GRSF1: variants seen among roughly 807,000 people sequenced by gnomAD.
GRSF1 encodes the protein G-rich RNA sequence binding factor 1, also known as G-rich sequence factor 1.
GRSF1 carries 50 observed loss-of-function variants against 51.1 expected under a neutral mutation model. The observed-to-expected ratio is 0.98, with a 90% confidence interval of 0.78 to 1.24. GRSF1 has a LOEUF of 1.24. Ranked by LOEUF, GRSF1 falls within the 50% of genes most tolerant of loss-of-function variation. The pLI, the probability that GRSF1 is intolerant of heterozygous loss-of-function variation, is 0.00. For synonymous variants in GRSF1, 293 were observed against 253.3 expected (o/e 1.16, Z -1.49); for missense variants, 700 against 639.7 (o/e 1.09, Z -1.02).
intron 8 of GRSF1, among the ~76,000 whole-genome samples, 196 bp downstream of exon 8, chr4:70,825,100 A>G (rs748706132): frequency 4.6e-5 from 7 of 152,188 alleles, no homozygotes; most frequent in Non-Finnish European, 2.9e-5. Context: ...AAAAGAAAGA[A>G]AGAGATTTGC....
chr4:70,830,435 ACCC>A (rs1733913435), intron 5 of GRSF1, among the ~76,000 whole-genome samples: 2 of 149,022 alleles, frequency 1.3e-5, no homozygotes, highest in South Asian at 4.3e-4. Context: ...ACAGAATAAG[ACCC>A]TGTGTCTTAA....
chr4:70,831,429 ACTCT>A (rs917307775), intron 5 of GRSF1, 106 bp downstream of exon 5: 3 of 938,344 alleles, frequency 3.2e-6, no homozygotes, highest in East Asian at 2.6e-5. Context: ...TCACTACACT[ACTCT>A]CTCTACTTTT....
In GRSF1 at chr4:70,818,373, G is replaced by A. The variant is rs1238855231; in HGVS notation, c.*2514C>T. 6.6e-6 allele frequency: 1 copy of A among 152,168 alleles called. No individual in the cohort carries two copies. Among genetic ancestry groups the A allele is most frequent in the Non-Finnish European group, 1.5e-5 (1 of 68,032 alleles). The allele number at this position is 152,168 out of a possible 1,614,324, so 9.4% of individuals were successfully genotyped here. On this transcript the variant is annotated 3_prime_UTR_variant, in exon 10 of 10. Transcript: ENST00000254799. ...TGAGTAAGGGCTGTTCAGGGCAGAG[G>A]ACATTAACAAGGCATGTTGATTAAT...
chr4:70,832,617 C>T (rs544955231), intron 3 of GRSF1, among the ~76,000 whole-genome samples, 167 bp from the exon 4 acceptor site: 8 of 152,146 alleles, frequency 5.3e-5, no homozygotes, highest in Non-Finnish European at 1.2e-4. Flanking sequence ...GCATATTTAC[C>T]ATGCGGGCAT....
intron 1 of GRSF1, among the ~76,000 whole-genome samples, chr4:70,838,336 A>C (rs907343819): frequency 2.0e-5 from 3 of 152,034 alleles, no homozygotes; most frequent in Non-Finnish European, 4.4e-5. Flanking sequence ...AGAAAAAAAA[A>C]GAGAGAAGCT....
chr4:70,836,708 G>C (rs766603225), intron 1 of GRSF1, among the ~76,000 whole-genome samples: 1 of 152,056 alleles, frequency 6.6e-6, no homozygotes, highest in African/African-American at 2.4e-5. Context: ...TACAAGATGA[G>C]ATACTGAGTG....
chr4:70,839,318 G>C (rs1408012675), intron 1 of GRSF1, 153 bp downstream of exon 1: 3 of 1,502,850 alleles, frequency 2.0e-6, no homozygotes, highest in East Asian at 2.6e-5. Flanking sequence ...GGGCCCAATA[G>C]GAGCACAGGG....
At position 70,818,133 on chromosome 4, in the gene GRSF1, G is replaced by C. The variant is rs771838002; in HGVS notation, c.*2754C>G. The C allele has an allele frequency of 1.3e-5, 2 of 152,254 alleles. No homozygotes were observed. The highest frequency in any genetic ancestry group is 3.8e-4 in the East Asian group (2 of 5,200). 9.4% of individuals were successfully genotyped at this position (152,254 alleles called of 1,614,324 possible). On this transcript the variant is annotated 3_prime_UTR_variant, in exon 10 of 10. Coordinates refer to ENST00000254799, the MANE Select transcript of GRSF1 (RefSeq NM_002092.4). ...GGCTCGCTACAACCTCTGCCTCCCA[G>C]GTTCAAGCGATTCTCCTGCCTTGGC...
Position 70,816,564 on chromosome 4 carries a change from A to G in GRSF1, c.*4323T>C, listed in dbSNP as rs1302985980. 6.6e-6 allele frequency: 1 copy of G among 151,538 alleles called. No homozygotes were observed. The highest frequency in any genetic ancestry group is 1.5e-5 in the Non-Finnish European group (1 of 67,936). 9.4% of individuals were successfully genotyped at this position (151,538 alleles called of 1,614,324 possible). On this transcript the variant is annotated 3_prime_UTR_variant, in exon 10 of 10. Coordinates refer to ENST00000254799, the MANE Select transcript of GRSF1 (RefSeq NM_002092.4). ...CATGATGAAACCCCATCTCTACTAA[A>G]AATACAAAAATTAGTCAGGCGTGGT... is the stretch of plus-strand genomic sequence containing the variant.
intron 2 of GRSF1, among the ~76,000 whole-genome samples, chr4:70,834,844 C>T (rs904333489): frequency 2.0e-5 from 3 of 151,942 alleles, no homozygotes; most frequent in Non-Finnish European, 4.4e-5. Context: ...AGGATGGTCT[C>T]GATCTCCTGA....
intron 2 of GRSF1, among the ~76,000 whole-genome samples, chr4:70,835,115 C>T (rs1312180057): frequency 1.3e-5 from 2 of 152,006 alleles, no homozygotes; most frequent in African/African-American, 4.8e-5. Context: ...TGCTGCAAAG[C>T]ACATAATCTC....
Position 70,831,592 on chromosome 4 carries a change from T to C in GRSF1, c.897A>G (p.Glu299=), listed in dbSNP as rs770311443. 1.2e-6 allele frequency: 2 copies of C among 1,613,776 alleles called. No individual in the cohort carries two copies. Residue 299 remains glutamate (E), a synonymous_variant, in exon 5 of 10, where the codon GAA becomes GAG. Coordinates refer to ENST00000254799, the MANE Select transcript of GRSF1 (RefSeq NM_002092.4). ...KTGEAYVQFE[E]PEMANQALLK... ...ACAGGGCTTGGTTGGCCATTTCTGG[T>C]TCTTCAAATTGCACATAGGCTTCCC... is the stretch of plus-strand genomic sequence containing the variant.
chr4:70,840,970 G>A (rs536935599), upstream of GRSF1, among the ~76,000 whole-genome samples: 4 of 152,254 alleles, frequency 2.6e-5, no homozygotes, highest in African/African-American at 9.6e-5. Flanking sequence ...CCGAATTTGA[G>A]GTATGTGAGG....
At chr4:70,842,129 C>G (rs1734472279), upstream of GRSF1, among the ~76,000 whole-genome samples, 1 of 152,218 alleles carries the variant, frequency 6.6e-6, no homozygotes, top group Admixed American at 6.5e-5. Context: ...CAGCCCTCAC[C>G]TCCCTTTGGG....
At chr4:70,822,198 T>A (rs1359360989) in intron 9 of GRSF1, among the ~76,000 whole-genome samples, 2 of 151,430 alleles carry the variant, frequency 1.3e-5, no homozygotes, top group Non-Finnish European at 2.9e-5. Flanking sequence ...AAAAAAAAAA[T>A]GCCATTTTAG....
In GRSF1 at chr4:70,839,653, C is replaced by A. The variant is rs1197986151; in HGVS notation, c.175G>T (p.Ala59Ser). ...TGGAGGCCACGCGTCTGGGAGGCAG[C>A]GGCCGCGGCGGCCCCGAGCAGCAGC... is the stretch of plus-strand genomic sequence containing the variant. ...LLLLLGAAAA[A>S]ASQTRGLQTG... Residue 59 changes from alanine (A) to serine (S), a missense_variant, in exon 1 of 10, where the codon GCT (alanine) becomes TCT (serine). Ala to Ser is a moderately conservative substitution (Grantham distance 99, BLOSUM62 1). Coordinates refer to ENST00000254799, the MANE Select transcript of GRSF1 (RefSeq NM_002092.4). The A allele has an allele frequency of 7.2e-7, 1 of 1,394,680 alleles. No individual in the cohort carries two copies. The highest frequency in any genetic ancestry group is 9.2e-7 in the Non-Finnish European group (1 of 1,087,516). The allele number at this position is 1,394,680 out of a possible 1,614,324, so 86.4% of individuals were successfully genotyped here.
Position 70,836,250 on chromosome 4 carries a change from T to G in GRSF1, c.422A>C (p.Lys141Thr). ...GACATCATCCACTTCCTCTTCTAACTTGGACGGGGCCAATTCATACTCAGG... is the reference window on the plus strand; with the variant it reads ...GACATCATCCACTTCCTCTTCTAACGTGGACGGGGCCAATTCATACTCAGG... Reference protein sequence around the residue: ...PPPEYELAPSKLEEEVDDVFL... With the variant: ...PPPEYELAPSTLEEEVDDVFL... The change falls in exon 2 of 10, where the codon AAG becomes ACG. Residue 141 changes from lysine (K) to threonine (T), a missense_variant. Transcript: ENST00000254799. 1 of 1,610,694 alleles carries G rather than the reference T, an allele frequency of 6.2e-7. No individual in the cohort carries two copies. The highest frequency in any genetic ancestry group is 1.1e-5 in the South Asian group (1 of 90,442).
upstream of GRSF1, among the ~76,000 whole-genome samples, chr4:70,840,339 C>T (rs1056621669): frequency 2.0e-5 from 3 of 152,232 alleles, no homozygotes; most frequent in South Asian, 2.1e-4. Flanking sequence ...GGGCCTGGCG[C>T]AGTGACTCAT....
Position 70,818,882 on chromosome 4 carries a change from G to C in GRSF1, c.*2005C>G, listed in dbSNP as rs1560590996. On this transcript the variant is annotated 3_prime_UTR_variant, in exon 10 of 10. Coordinates refer to ENST00000254799, the MANE Select transcript of GRSF1 (RefSeq NM_002092.4). ...AAAACAGTCTTCTCAAATGTGGGGAGACGGTACCGTCTTCCACTTGCATGG... is the reference window on the plus strand; with the variant it reads ...AAAACAGTCTTCTCAAATGTGGGGACACGGTACCGTCTTCCACTTGCATGG... The C allele has an allele frequency of 6.6e-6, 1 of 152,116 alleles. No individual in the cohort carries two copies. Among genetic ancestry groups the C allele is most frequent in the Non-Finnish European group, 1.5e-5 (1 of 68,034 alleles). 9.4% of individuals were successfully genotyped at this position (152,116 alleles called of 1,614,324 possible). A position where few individuals can be genotyped will look rare whatever the true frequency, so the allele number is the denominator to read the frequency against.
Sources: gnomAD v4.1 joint callset for allele counts (sites outside exome capture counted in the v4.1 genomes callset) on GRCh38, gnomAD v4.1.1 for gene constraint, MANE v1.5 for transcripts, NCBI Gene and HGNC (gene_info 2026-07-23, HGNC 2026-07-21) for gene names.